CCDC73: variants seen among roughly 807,000 people sequenced by gnomAD.
The protein encoded by CCDC73 is coiled-coil domain containing 73, also known as coiled-coil domain-containing protein 73.
In CCDC73, 95 loss-of-function variants were observed where a neutral mutation model predicts 116.5. That is an observed-to-expected ratio of 0.82 (90% CI 0.69 to 0.97). CCDC73 has a LOEUF of 0.97. Among genes scored for constraint, CCDC73 ranks in the 50% least tolerant of loss-of-function variants. CCDC73 has a pLI of 0.00. For missense variants in CCDC73, 1,066 were observed against 1,206.8 expected, an observed-to-expected ratio of 0.88 and a Z score of 1.73; for synonymous variants, 398 against 401.3, an observed-to-expected ratio of 0.99 and a Z score of 0.10.
intron 2 of CCDC73, among the ~76,000 whole-genome samples, chr11:32,728,558 G>C (rs957144626): frequency 2.6e-5 from 4 of 152,046 alleles, no homozygotes; most frequent in Non-Finnish European, 5.9e-5. Flanking sequence ...AGATCTGGGT[G>C]TCAGTTCTTC....
upstream of CCDC73, among the ~76,000 whole-genome samples, chr11:32,799,123 ACT>A (rs1407354417): frequency 7.5e-6 from 1 of 132,532 alleles, no homozygotes; most frequent in African/African-American, 2.9e-5. Context: ...ACAGAGTTTC[ACT>A]CTGTCACCCA....
chr11:32,796,022 G>A (rs543173131), upstream of CCDC73, among the ~76,000 whole-genome samples: 5 of 152,242 alleles, frequency 3.3e-5, no homozygotes, highest in South Asian at 4.1e-4. Context: ...ACGTTTTCCA[G>A]TAAAAATCTG....
chr11:32,664,042 G>C (rs1371240719), intron 9 of CCDC73, among the ~76,000 whole-genome samples: 1 of 152,164 alleles, frequency 6.6e-6, no homozygotes, highest in African/African-American at 2.4e-5. Flanking sequence ...AGTTGATCAT[G>C]GTGGATAAGC....
intron 6 of CCDC73, among the ~76,000 whole-genome samples, chr11:32,685,694 C>T (rs933272130): frequency 4.1e-5 from 6 of 147,158 alleles, no homozygotes; most frequent in Non-Finnish European, 5.9e-5. Context: ...GTTCTGAGGA[C>T]GAATGTGACA....
upstream of CCDC73, among the ~76,000 whole-genome samples, chr11:32,797,028 A>T (rs1850732964): frequency 6.6e-6 from 1 of 151,460 alleles, no homozygotes; most frequent in Non-Finnish European, 1.5e-5. Flanking sequence ...AAAAAAAAAA[A>T]AAAAAAGTAA....
rs531618661 is a variant in CCDC73 at position 32,609,089 on chromosome 11, A to G, written c.3030+2043T>C. On this transcript the variant is annotated intron_variant, in intron 17 of 17. Transcript: ENST00000335185. Reference sequence around the variant, plus strand: ...GACTTGCCCTGGAGACATTTTCCCCATTGTCTTGGAGATTAACATTCAGCT... The same window carrying G: ...GACTTGCCCTGGAGACATTTTCCCCGTTGTCTTGGAGATTAACATTCAGCT... 5.0e-4 allele frequency among the ~76,000 whole-genome samples: 76 copies of G among 152,190 alleles called. 2 individuals are homozygous for G. In the South Asian group the frequency reaches 0.015, roughly 30 times the overall value.
At chr11:32,728,863 C>T (rs1021108041) in intron 2 of CCDC73, among the ~76,000 whole-genome samples, 1 of 152,136 alleles carries the variant, frequency 6.6e-6, no homozygotes, top group Non-Finnish European at 1.5e-5. Context: ...CACCACCACA[C>T]TCGACTAATT....
chr11:32,642,047 C>A lies in CCDC73; in HGVS notation c.975G>T (p.Lys325Asn). The change falls in exon 13 of 18, where the codon AAG (lysine) becomes AAT (asparagine). Residue 325 changes from lysine to asparagine, a missense_variant. Lys to Asn is a moderately conservative substitution (Grantham distance 94). Coordinates refer to ENST00000335185, the MANE Select transcript of CCDC73 (RefSeq NM_001008391.4). ...LERDNELQRE[K>N]VKENEEKFLN... is the part of the protein sequence containing the mutation. ...GAAACTTTTCTTCATTTTCTTTTAC[C>A]TTCTCCCTTTGCAGCTCATTATCTC... 1 of 1,566,866 alleles carries A rather than the reference C, an allele frequency of 6.4e-7. No homozygotes were observed. Among genetic ancestry groups the A allele is most frequent in the Non-Finnish European group, 8.7e-7 (1 of 1,155,482 alleles).
At chr11:32,659,431 A>G (rs907794044) in intron 9 of CCDC73, among the ~76,000 whole-genome samples, 8 of 152,230 alleles carry the variant, frequency 5.3e-5, no homozygotes, top group African/African-American at 1.9e-4. Flanking sequence ...TCACTGAAAC[A>G]AAGACTTTGA....
chr11:32,698,958 A>G (rs542831628), intron 6 of CCDC73, among the ~76,000 whole-genome samples: 1 of 152,298 alleles, frequency 6.6e-6, no homozygotes, highest in Admixed American at 6.5e-5. Context: ...TAAATCAGTC[A>G]CAATATATAT....
At chr11:32,611,618 T>C (rs201902) in intron 16 of CCDC73, among the ~76,000 whole-genome samples, 66,977 of 151,964 alleles carry the variant, frequency 0.44, 15,260 homozygotes, top group African/African-American at 0.52. Context: ...GTATAGTGAA[T>C]ATTTTACCAA....
the CCDC73 span, among the ~76,000 whole-genome samples, chr11:32,807,862 G>A: frequency 7.2e-5 from 11 of 152,274 alleles, no homozygotes; most frequent in Non-Finnish European, 1.3e-4. Context: ...GGCAACTTTA[G>A]TTTGCCCACC....
intron 6 of CCDC73, among the ~76,000 whole-genome samples, chr11:32,692,838 C>G (rs185366582): frequency 1.6e-3 from 248 of 152,292 alleles, no homozygotes; most frequent in African/African-American, 5.7e-3. Context: ...TGTAATAAGT[C>G]ATTAATAGAA....
chr11:32,735,628 A>C (rs10767958), intron 2 of CCDC73, among the ~76,000 whole-genome samples: 1 of 152,014 alleles, frequency 6.6e-6, no homozygotes, highest in East Asian at 1.9e-4. Context: ...CAAGCTACCA[A>C]TGACTTTCTT....
chr11:32,659,418 A>G, intron 9 of CCDC73, among the ~76,000 whole-genome samples: 1 of 152,192 alleles, frequency 6.6e-6, no homozygotes, highest in East Asian at 1.9e-4. Flanking sequence ...CTAAAGTCTG[A>G]GCTCACTGAA....
intron 1 of CCDC73, among the ~76,000 whole-genome samples, chr11:32,773,090 T>C (rs1260913361): frequency 2.0e-5 from 3 of 152,084 alleles, no homozygotes; most frequent in Non-Finnish European, 2.9e-5. Context: ...TAGTCCACAA[T>C]AAGAAGGGGT....
chr11:32,641,840 T>G (rs1330479914), intron 13 of CCDC73, 132 bp downstream of exon 13: 6 of 700,050 alleles, frequency 8.6e-6, no homozygotes, highest in Non-Finnish European at 1.2e-5. Context: ...TTTGGAAATA[T>G]GAGACCAAGA....
At chr11:32,648,054 C>T (rs892089120) in intron 12 of CCDC73, among the ~76,000 whole-genome samples, 13 of 152,160 alleles carry the variant, frequency 8.5e-5, no homozygotes, top group African/African-American at 2.7e-4. Flanking sequence ...AACCTCCAAT[C>T]TTCTGCAAAG....
intron 9 of CCDC73, among the ~76,000 whole-genome samples, chr11:32,672,535 A>T (rs532213183): frequency 6.6e-6 from 1 of 152,344 alleles, no homozygotes; most frequent in East Asian, 1.9e-4. Context: ...TGTTAAAAAT[A>T]TTAACACATA....
Sources: allele counts gnomAD v4.1 joint callset (sites outside exome capture counted in the v4.1 genomes callset), GRCh38; gene constraint gnomAD v4.1.1; transcripts MANE v1.5; gene names NCBI Gene and HGNC (gene_info 2026-07-23, HGNC 2026-07-21).